The following HLCS variants were observed in gnomAD, a reference collection of about 807,000 sequenced individuals.
The protein encoded by HLCS is holocarboxylase synthetase.
HLCS carries 53 observed loss-of-function variants against 75.0 expected under a neutral mutation model. The ratio of observed to expected loss-of-function variants is 0.71; its 90% CI spans 0.57 to 0.89. The LOEUF (loss-of-function observed/expected upper bound fraction) is 0.89. Among genes scored for constraint, HLCS ranks in the 40% least tolerant of loss-of-function variants. The probability of loss-of-function intolerance (pLI) is 0.00; values close to 1 mark genes in which losing one functional copy is unlikely to be tolerated. For missense variants in HLCS, 966 were observed against 1,074.0 expected (o/e 0.90, Z 1.41); for synonymous variants, 431 against 428.6 (o/e 1.01, Z -0.07).
chr21:36,799,723 C>A (rs2061139511), intron 6 of HLCS, among the ~76,000 whole-genome samples: 1 of 152,188 alleles, frequency 6.6e-6, no homozygotes, highest in Non-Finnish European at 1.5e-5. Context: ...CCTCTCTCAT[C>A]TGTAAGCAGT....
intron 2 of HLCS, chr21:36,947,226 G>T: frequency 2.3e-6 from 1 of 440,574 alleles, no homozygotes; most frequent in Non-Finnish European, 3.0e-6. Context: ...CTCTGAAGAG[G>T]AATGAGGCAG....
intron 6 of HLCS, among the ~76,000 whole-genome samples, chr21:36,780,301 G>C (rs771566214): frequency 2.0e-5 from 3 of 152,026 alleles, no homozygotes; most frequent in Non-Finnish European, 4.4e-5. Context: ...GGAGTGCAGT[G>C]GCGCGATCCC....
chr21:36,753,383 C>T lies in HLCS; in HGVS notation c.*863G>A, dbSNP rs2089439702. The T allele has an allele frequency of 6.6e-6, 1 of 152,194 alleles. No individual in the cohort carries two copies. The highest frequency in any genetic ancestry group is 2.4e-5 in the African/African-American group (1 of 41,432). The allele number at this position is 152,194 out of a possible 1,614,324, so 9.4% of individuals were successfully genotyped here. A position where few individuals can be genotyped will look rare whatever the true frequency, so the allele number is the denominator to read the frequency against. On this transcript the variant is annotated 3_prime_UTR_variant, in exon 11 of 11. Transcript: ENST00000674895. This position sits in a 1 kb window ranked among gnomAD's most constrained non-coding sequence, Gnocchi z 4.3. ...TGAAACTGGCTTAAAAGCTCCAAAT[C>T]CTCCCTTGTATGTGGTATGAGTGTG...
intron 8 of HLCS, among the ~76,000 whole-genome samples, chr21:36,762,376 G>C (rs2089879880): frequency 6.6e-6 from 1 of 152,096 alleles, no homozygotes; most frequent in Admixed American, 6.5e-5. Context: ...TGGGTGGAGG[G>C]AGGGTGCGGG....
At chr21:36,756,953 T>G in intron 9 of HLCS, 198 bp from the exon 10 acceptor site, 1 of 985,344 alleles carries the variant, frequency 1.0e-6, no homozygotes, top group African/African-American at 1.7e-5. Context: ...TTATTATTCT[T>G]GTTCAAGCTA....
rs1309019690 is a variant in HLCS at position 36,772,621 on chromosome 21, A to G, written c.1893-5336T>C. On this transcript the variant is annotated intron_variant, in intron 6 of 10. Coordinates refer to ENST00000674895, the MANE Select transcript of HLCS (RefSeq NM_001352514.2). ...GCCACTGCACTCCAGCCTGGGCAAC[A>G]GAGCAAGACACTGTCTCAAAAAAAA... 2.1e-5 allele frequency among the ~76,000 whole-genome samples: 3 copies of G among 143,814 alleles called. No homozygotes were observed. The East Asian group carries it at 6.3e-4, about 30-fold the overall frequency. 94.3% of individuals were successfully genotyped at this position (143,814 alleles called of 152,430 possible).
Position 36,930,232 on chromosome 21 carries a change from A to G in HLCS, c.1620+19T>C. On this transcript the variant is annotated intron_variant, in intron 5 of 10. Transcript: ENST00000674895. ...GGCCACGTCACAGCGCGCTCTGCCC[A>G]GCTGAGCCCACAACTCACCTCCGCA... The G allele has an allele frequency of 6.2e-7, 1 of 1,606,934 alleles. No homozygotes were observed. The highest frequency in any genetic ancestry group is 8.5e-7 in the Non-Finnish European group (1 of 1,173,966).
chr21:36,756,099 C>T (rs1239101088), intron 10 of HLCS, among the ~76,000 whole-genome samples: 1 of 152,122 alleles, frequency 6.6e-6, no homozygotes, highest in Non-Finnish European at 1.5e-5. Context: ...CTAACAGAGA[C>T]ACAGAAAATA....
chr21:36,879,294 A>G (rs1383880664), intron 6 of HLCS, among the ~76,000 whole-genome samples: 1 of 152,216 alleles, frequency 6.6e-6, no homozygotes, highest in Non-Finnish European at 1.5e-5. Context: ...ATTATACAGA[A>G]CTGCTGGCTC....
At chr21:36,796,117 G>A (rs2061017431) in intron 6 of HLCS, among the ~76,000 whole-genome samples, 1 of 152,112 alleles carries the variant, frequency 6.6e-6, no homozygotes, top group Non-Finnish European at 1.5e-5. Flanking sequence ...CATGATTCTA[G>A]TATAATCTCA....
At chr21:36,881,249 C>T (rs1262258926) in intron 6 of HLCS, among the ~76,000 whole-genome samples, 5 of 152,114 alleles carry the variant, frequency 3.3e-5, no homozygotes, top group African/African-American at 7.2e-5. Flanking sequence ...GGATTACAGA[C>T]GTGAGCCACC....
intron 5 of HLCS, among the ~76,000 whole-genome samples, chr21:36,920,694 A>G (rs1393031849): frequency 6.6e-6 from 1 of 152,190 alleles, no homozygotes; most frequent in Non-Finnish European, 1.5e-5. Context: ...AAAGCCGTCT[A>G]CCAAGAAAAA....
At chr21:36,848,163 C>T (rs540783794) in intron 6 of HLCS, among the ~76,000 whole-genome samples, 90 of 152,162 alleles carry the variant, frequency 5.9e-4, no homozygotes, top group African/African-American at 1.8e-3. Context: ...TCAAAATACA[C>T]GCACATTTTA....
At chr21:36,782,091 G>C (rs977237841) in intron 6 of HLCS, among the ~76,000 whole-genome samples, 2 of 151,808 alleles carry the variant, frequency 1.3e-5, no homozygotes, top group Non-Finnish European at 2.9e-5. Context: ...TAGAATTTCT[G>C]CATTGATGCT....
At chr21:36,936,346 C>A (rs556013091) in intron 4 of HLCS, 103 bp downstream of exon 4, 3 of 1,042,048 alleles carry the variant, frequency 2.9e-6, no homozygotes, top group Non-Finnish European at 4.5e-6. Context: ...CCGCAGCACA[C>A]GAACTCCTGA....
chr21:36,817,568 C>T (rs1569052663), intron 6 of HLCS, among the ~76,000 whole-genome samples: 1 of 152,232 alleles, frequency 6.6e-6, no homozygotes, highest in Non-Finnish European at 1.5e-5. Context: ...TGCTTCTTCA[C>T]CCACTGCACT....
At chr21:36,972,281 G>A (rs550174297) in intron 1 of HLCS, 3 of 152,228 alleles carry the variant, frequency 2.0e-5, no homozygotes, top group African/African-American at 7.2e-5. Flanking sequence ...ACTAAAAGAG[G>A]CTAAGAGATC....
intron 6 of HLCS, among the ~76,000 whole-genome samples, chr21:36,888,444 AAATATATATATATATATAT>A (rs1212925997): frequency 0.027 from 684 of 25,514 alleles, 35 homozygotes; most frequent in East Asian, 0.092. Flanking sequence ...AAAAAAAAAA[AAATATATATATATATATAT>A]ATATATATAT....
chr21:36,854,007 T>A (rs2063102339), intron 6 of HLCS, among the ~76,000 whole-genome samples: 1 of 152,198 alleles, frequency 6.6e-6, no homozygotes. Context: ...AATGGAAATA[T>A]GAGTTCAAAA....
Sources: gnomAD v4.1 joint callset for allele counts (sites outside exome capture counted in the v4.1 genomes callset) on GRCh38, gnomAD v4.1.1 for gene constraint, Gnocchi (gnomAD v3.1) non-coding constraint, MANE v1.5 for transcripts, NCBI Gene and HGNC (gene_info 2026-07-23, HGNC 2026-07-21) for gene names.